L3MBTL2: variants seen among roughly 807,000 people sequenced by gnomAD.
L3MBTL2 encodes lethal(3)malignant brain tumor-like protein 2.
A neutral mutation model predicts 86.4 loss-of-function variants in L3MBTL2; 49 were observed. The ratio of observed to expected loss-of-function variants is 0.57; its 90% confidence interval spans 0.45 to 0.72. L3MBTL2 has a LOEUF of 0.72. Among genes scored for constraint, L3MBTL2 ranks in the 30% least tolerant of loss-of-function variants. The pLI, the probability that L3MBTL2 is intolerant of heterozygous loss-of-function variation, is 0.00. For synonymous variants in L3MBTL2, 336 were observed against 350.6 expected, an observed-to-expected ratio of 0.96 and a Z score of 0.47; for missense variants, 755 against 923.7, an observed-to-expected ratio of 0.82 and a Z score of 2.37.
In L3MBTL2 at chr22:41,225,112, C is replaced by T. The variant is rs780008445; in HGVS notation, c.1356+41C>T. 5.2e-6 allele frequency: 8 copies of T among 1,534,332 alleles called. No individual in the cohort carries two copies. The highest frequency in any genetic ancestry group is 7.2e-6 in the Non-Finnish European group (8 of 1,117,016). ...GCTCTCCAGCCTCCAGATTTCTGAG[C>T]GGGGGGACCCATGTGGCCCAGAGCT... is the stretch of plus-strand genomic sequence containing the variant. On this transcript the variant is annotated intron_variant, in intron 11 of 16. Coordinates refer to ENST00000216237, the MANE Select transcript of L3MBTL2 (RefSeq NM_031488.5). This position sits in a 1 kb window ranked among gnomAD's most constrained non-coding sequence, Gnocchi z 4.1.
At chr22:41,207,987 A>G (rs768997207) in intron 1 of L3MBTL2, among the ~76,000 whole-genome samples, 3 of 151,746 alleles carry the variant, frequency 2.0e-5, no homozygotes, top group Non-Finnish European at 4.4e-5. Flanking sequence ...ACCCACCATC[A>G]TGCCCAGCTA....
rs2032074976 is a variant in L3MBTL2 at position 41,224,886 on chromosome 22, C to T, written c.1252-81C>T. 1.3e-6 allele frequency: 2 copies of T among 1,554,742 alleles called. No individual in the cohort carries two copies. The highest frequency in any genetic ancestry group is 4.5e-5 in the East Asian group (2 of 44,396). On this transcript the variant is annotated intron_variant, in intron 10 of 16. Transcript: ENST00000216237. This position sits in a 1 kb window ranked among gnomAD's most constrained non-coding sequence, Gnocchi z 4.9. ...GACCTGGCTCTTCCCCTGGGACCAT[C>T]CCTTTCCCTCCTGAGGCCTGCTTCC...
intron 1 of L3MBTL2, chr22:41,209,106 CTT>C (rs67934576): frequency 1.4e-4 from 19 of 137,774 alleles, no homozygotes; most frequent in Non-Finnish European, 1.6e-4. Context: ...GGATATTTCA[CTT>C]TTTTTTTTTT....
At chr22:41,213,677 C>T (rs1415659029) in intron 2 of L3MBTL2, 2 of 475,080 alleles carry the variant, frequency 4.2e-6, no homozygotes, top group Non-Finnish European at 7.6e-6. Flanking sequence ...CCTCTGTTGA[C>T]ATCTGTAGCC....
chr22:41,221,378 A>AC (rs1225299372), intron 8 of L3MBTL2, 91 bp downstream of exon 8: 1 of 1,058,136 alleles, frequency 9.5e-7, no homozygotes, highest in Non-Finnish European at 1.4e-6. Context: ...GTTACCTAAG[A>AC]CCCCTTGCCT....
Position 41,226,639 on chromosome 22 carries a change from A to G in L3MBTL2, c.1505-23A>G, listed in dbSNP as rs772784600. The G allele has an allele frequency of 1.3e-5, 21 of 1,569,112 alleles. No individual in the cohort carries two copies. In the South Asian group the frequency reaches 2.3e-4, roughly 17 times the overall value. ...TTCCTGCTTCCCCCTCTCCCTCTGCATCTGAGCTTTCTGCTCCTCCAGGTT... is the reference window on the plus strand; with the variant it reads ...TTCCTGCTTCCCCCTCTCCCTCTGCGTCTGAGCTTTCTGCTCCTCCAGGTT... On this transcript the variant is annotated intron_variant, in intron 12 of 16. Transcript: ENST00000216237.
intron 15 of L3MBTL2, among the ~76,000 whole-genome samples, chr22:41,229,239 A>G (rs1261422619): frequency 6.6e-6 from 1 of 152,234 alleles, no homozygotes; most frequent in Non-Finnish European, 1.5e-5. Context: ...CCTGGGTGAC[A>G]GAGTGAGACC....
At chr22:41,228,149 T>A in intron 15 of L3MBTL2, 1 of 985,388 alleles carries the variant, frequency 1.0e-6, no homozygotes, top group Non-Finnish European at 1.2e-6. Context: ...GGTTGGGGGA[T>A]CCCATCCCTG....
chr22:41,227,766 C>G lies in L3MBTL2; in HGVS notation c.1823-38C>G. The stretch of plus-strand genomic sequence containing the variant: ...TGTGCCCTGTGTCCTCCCAGGGACC[C>G]TCTTCTCATCTCTTTCACCCTTGTC... On this transcript the variant is annotated intron_variant, in intron 14 of 16. Coordinates refer to ENST00000216237, the MANE Select transcript of L3MBTL2 (RefSeq NM_031488.5). The surrounding 1 kb of genome is among the most constrained non-coding windows in gnomAD (Gnocchi z 6.0). The G allele has an allele frequency of 1.2e-6, 2 of 1,613,222 alleles. No individual in the cohort carries two copies. The highest frequency in any genetic ancestry group is 1.7e-6 in the Non-Finnish European group (2 of 1,179,566).
In L3MBTL2 at chr22:41,228,172, C is replaced by T. The variant is rs1014789241; in HGVS notation, c.1888+303C>T. The T allele has an allele frequency of 1.2e-5, 12 of 985,276 alleles. No homozygotes were observed. In the African/African-American group the frequency reaches 2.1e-4, roughly 17 times the overall value. The allele number at this position is 985,276 out of a possible 1,614,324, so 61.0% of individuals were successfully genotyped here. ...GATCCCATCCCTGATGCCCCATGTT[C>T]AGAAAAAAACAGCCTGGCCTGGGCA... On this transcript the variant is annotated intron_variant, in intron 15 of 16. Transcript: ENST00000216237.
chr22:41,227,961 C>G lies in L3MBTL2; in HGVS notation c.1888+92C>G. On this transcript the variant is annotated intron_variant, in intron 15 of 16. Transcript: ENST00000216237. The surrounding 1 kb of genome is among the most constrained non-coding windows in gnomAD (Gnocchi z 6.0). The stretch of plus-strand genomic sequence containing the variant: ...GCAGGCGGGGGTCAGCCCCCAGGCA[C>G]TGGTTCCCAGGTGCTGTCCTACTGA... 3 of 1,537,782 alleles carry G rather than the reference C, an allele frequency of 2.0e-6. No homozygotes were observed. The highest frequency in any genetic ancestry group is 2.6e-6 in the Non-Finnish European group (3 of 1,141,958).
intron 3 of L3MBTL2, among the ~76,000 whole-genome samples, chr22:41,214,874 G>T (rs1419288333): frequency 6.6e-6 from 1 of 152,174 alleles, no homozygotes; most frequent in African/African-American, 2.4e-5. Flanking sequence ...AGCCAGGCGT[G>T]GTGTTGTACG....
chr22:41,211,839 G>A (rs1184148728), intron 2 of L3MBTL2, among the ~76,000 whole-genome samples: 1 of 141,664 alleles, frequency 7.1e-6, no homozygotes, highest in African/African-American at 2.6e-5. Flanking sequence ...TTACAGGCGT[G>A]AGCCACCGCA....
Position 41,227,270 on chromosome 22 carries a change from C to G in L3MBTL2, c.1769C>G (p.Pro590Arg). Residue 590 changes from proline to arginine, a missense_variant, in exon 14 of 17, where the codon CCC (proline) becomes CGC (arginine). Physicochemically the swap from Pro to Arg is moderately radical, Grantham distance 103. This residue lies in a region of L3MBTL2 where 634 missense variants were observed against 748.9 expected (regional missense o/e 0.85). Transcript: ENST00000216237. The surrounding 1 kb of genome is among the most constrained non-coding windows in gnomAD (Gnocchi z 6.0). Reference sequence around the variant, plus strand: ...GACTGCGAGTCCCCAGACATCTACCCCGTCGGCTGGTGTGAGCTCACCGGC... The same window carrying G: ...GACTGCGAGTCCCCAGACATCTACCGCGTCGGCTGGTGTGAGCTCACCGGC... Reference protein sequence around the residue: ...WVDCESPDIYPVGWCELTGYQ... With the variant: ...WVDCESPDIYRVGWCELTGYQ... The G allele has an allele frequency of 6.2e-7, 1 of 1,612,438 alleles. No homozygotes were observed. Among genetic ancestry groups the G allele is most frequent in the South Asian group, 1.1e-5 (1 of 90,840 alleles).
chr22:41,230,013 CT>C (rs1168769431), intron 16 of L3MBTL2, 125 bp from the exon 17 acceptor site: 1 of 737,408 alleles, frequency 1.4e-6, no homozygotes, highest in African/African-American at 1.7e-5. Flanking sequence ...AGAAGGGAAG[CT>C]GGAGGGTGAA....
At position 41,220,869 on chromosome 22, in the gene L3MBTL2, G is replaced by T. The variant is rs1196306400; in HGVS notation, c.853+1G>T. 6.2e-7 allele frequency: 1 copy of T among 1,612,030 alleles called. No homozygotes were observed. Among genetic ancestry groups the T allele is most frequent in the Non-Finnish European group, 8.5e-7 (1 of 1,178,366 alleles). On this transcript the variant is annotated splice_donor_variant, in intron 7 of 16. Coordinates refer to ENST00000216237, the MANE Select transcript of L3MBTL2 (RefSeq NM_031488.5). LOFTEE classifies it high-confidence loss of function. ...AGCAAGATCCTAGTGCCCCCACGGAGTGAGTTGATGAGAACATTTCCTCTC... is the reference window on the plus strand; with the variant it reads ...AGCAAGATCCTAGTGCCCCCACGGATTGAGTTGATGAGAACATTTCCTCTC...
At position 41,216,147 on chromosome 22, in the gene L3MBTL2, A is replaced by G; in HGVS notation, c.405A>G (p.Pro135=). ...ASILARLQGK[P]PTKKAKVLHK... ...TCTGTCCTCCTCTCCAGGGAAAACC[A>G]CCGACCAAAAAAGCCAAAGTCCTGC... The change falls in exon 4 of 17, where the codon CCA becomes CCG. Residue 135 remains proline, a synonymous_variant. Transcript: ENST00000216237. The G allele has an allele frequency of 1.9e-6, 3 of 1,613,296 alleles. No individual in the cohort carries two copies. The highest frequency in any genetic ancestry group is 2.5e-6 in the Non-Finnish European group (3 of 1,179,668).
chr22:41,224,400 T>A lies in L3MBTL2; in HGVS notation c.1174+149T>A. On this transcript the variant is annotated intron_variant, in intron 9 of 16. Transcript: ENST00000216237. This position sits in a 1 kb window ranked among gnomAD's most constrained non-coding sequence, Gnocchi z 4.9. ...GATACTGAGCTCCAGAGAGCTTGAG[T>A]AACTTGACAAAAGTCACTCCACTCA... 1 of 631,956 alleles carries A rather than the reference T, an allele frequency of 1.6e-6. No homozygotes were observed. Among genetic ancestry groups the A allele is most frequent in the South Asian group, 2.0e-5 (1 of 51,246 alleles). The allele number at this position is 631,956 out of a possible 1,614,324, so 39.1% of individuals were successfully genotyped here. A position where few individuals can be genotyped will look rare whatever the true frequency, so the allele number is the denominator to read the frequency against.
chr22:41,229,753 A>G (rs949833137), intron 16 of L3MBTL2, 97 bp downstream of exon 16: 3 of 1,600,746 alleles, frequency 1.9e-6, no homozygotes, highest in Non-Finnish European at 2.6e-6. Flanking sequence ...GAGTAGAGTC[A>G]GGTTTCTTTG....
Sources: gnomAD v4.1 joint callset for allele counts (sites outside exome capture counted in the v4.1 genomes callset) on GRCh38, gnomAD v4.1.1 for gene constraint, gnomAD v4.1.1 regional missense constraint, Gnocchi (gnomAD v3.1) non-coding constraint, MANE v1.5 for transcripts, NCBI Gene and HGNC (gene_info 2026-07-23, HGNC 2026-07-21) for gene names.